ADAM12: variants seen among roughly 807,000 people sequenced by gnomAD.
ADAM12 encodes the protein disintegrin and metalloproteinase domain-containing protein 12.
In ADAM12, 70 loss-of-function variants were observed where a neutral mutation model predicts 106.4. That is an observed-to-expected ratio of 0.66 (90% confidence interval 0.54 to 0.80). The LOEUF (loss-of-function observed/expected upper bound fraction) is 0.80, where lower values mean the gene tolerates loss of function less well. ADAM12 is among the 30% of genes least tolerant of loss of function. ADAM12 has a pLI of 0.00. For synonymous variants in ADAM12, 420 were observed against 433.5 expected (o/e 0.97, Z 0.39); for missense variants, 1,010 against 1,171.9 (o/e 0.86, Z 2.02).
chr10:126,182,200 CAAAAACATG>C (rs1957324818), intron 3 of ADAM12, among the ~76,000 whole-genome samples: 1 of 152,084 alleles, frequency 6.6e-6, no homozygotes, highest in Non-Finnish European at 1.5e-5. Flanking sequence ...AATTATATAC[CAAAAACATG>C]AACATGTAGA....
chr10:126,148,360 G>A (rs1956667434), intron 4 of ADAM12, among the ~76,000 whole-genome samples: 1 of 152,142 alleles, frequency 6.6e-6, no homozygotes, highest in Admixed American at 6.5e-5. Context: ...TTTCCAGCCT[G>A]ATTCAATAAA....
chr10:126,232,833 G>C (rs1453901358), intron 3 of ADAM12, among the ~76,000 whole-genome samples: 1 of 152,172 alleles, frequency 6.6e-6, no homozygotes, highest in Non-Finnish European at 1.5e-5. Flanking sequence ...GGTAGGACTA[G>C]GGAGGAAGAT....
rs990785795 is a variant in ADAM12, at chr10:126,356,716, T to C, written c.89-26207A>G. Among the ~76,000 whole-genome samples, 6 of 152,162 alleles carry C rather than the reference T, an allele frequency of 3.9e-5. No individual in the cohort carries two copies. In the South Asian group the frequency reaches 8.3e-4, roughly 21 times the overall value. The stretch of plus-strand genomic sequence containing the variant: ...TAAAGAAATTCTGTAAACTATATGA[T>C]ACTACAGATTAAAAATCAAATAAAA... On this transcript the variant is annotated intron_variant, in intron 1 of 22. Coordinates refer to ENST00000448723, the MANE Select transcript of ADAM12 (RefSeq NM_001288973.2).
At position 126,312,147 on chromosome 10, in the gene ADAM12, A is replaced by AC. The variant is rs1231617178; in HGVS notation, c.186+18264_186+18265insG. 5.3e-5 allele frequency among the ~76,000 whole-genome samples: 8 copies of AC among 151,890 alleles called. No individual in the cohort carries two copies. In the East Asian group the frequency reaches 1.6e-3, roughly 29 times the overall value. On this transcript the variant is annotated intron_variant, in intron 2 of 22. Transcript: ENST00000448723. ...GTTGGTGTGGAAAAAAAAAAAAAAA[A>AC]AAAAACCCACGTTTGGTGACCAGAA... is the stretch of plus-strand genomic sequence containing the variant.
chr10:126,041,671 A>T, intron 18 of ADAM12: 1 of 992,698 alleles, frequency 1.0e-6, no homozygotes, highest in Non-Finnish European at 1.2e-6. Flanking sequence ...ATAAATGCTA[A>T]AAGCCATATC....
chr10:126,127,653 G>A (rs1266981103), intron 5 of ADAM12, among the ~76,000 whole-genome samples: 1 of 152,220 alleles, frequency 6.6e-6, no homozygotes, highest in Non-Finnish European at 1.5e-5. Flanking sequence ...CAAGGCATGG[G>A]CAAGGAAGGA....
intron 3 of ADAM12, among the ~76,000 whole-genome samples, chr10:126,165,265 T>A (rs1315996961): frequency 6.6e-6 from 1 of 152,118 alleles, no homozygotes; most frequent in Admixed American, 6.6e-5. Flanking sequence ...CCTCCCAAGC[T>A]CAGGCAATTC....
At chr10:126,286,840 AC>A (rs1172617997) in intron 2 of ADAM12, among the ~76,000 whole-genome samples, 1 of 152,194 alleles carries the variant, frequency 6.6e-6, no homozygotes, top group Non-Finnish European at 1.5e-5. Flanking sequence ...TTAGCCAACA[AC>A]CTGTTAAAAT....
At chr10:126,268,343 C>T (rs7921329) in intron 3 of ADAM12, among the ~76,000 whole-genome samples, 131,324 of 152,136 alleles carry the variant, frequency 0.86, 58,414 homozygotes, top group Non-Finnish European at 0.97. Flanking sequence ...TTTCATTTTA[C>T]GTATGCCACA....
At chr10:126,328,031 A>T (rs11595277) in intron 2 of ADAM12, among the ~76,000 whole-genome samples, 10,126 of 152,330 alleles carry the variant, frequency 0.066, 427 homozygotes, top group Middle Eastern at 0.12. Context: ...ACTTATTGAA[A>T]AAACTATCTT....
rs1955922007 is a variant in ADAM12 at position 126,113,690 on chromosome 10, ATATATATATATATAT to A, written c.604-3865_604-3851del. On this transcript the variant is annotated intron_variant, in intron 6 of 22. Coordinates refer to ENST00000448723, the MANE Select transcript of ADAM12 (RefSeq NM_001288973.2). ...AAAAAAAAAAAAAAAAAAAAAAAAT[ATATATATATATATAT>A]ATATATATATATATATATATATATA... 6.0e-3 allele frequency among the ~76,000 whole-genome samples: 83 copies of A among 13,886 alleles called. 1 individual carries two copies. Among genetic ancestry groups the A allele is most frequent in the Non-Finnish European group, 7.5e-3 (70 of 9,272 alleles). The allele number at this position is 13,886 out of a possible 152,430, so 9.1% of individuals were successfully genotyped here. A position where few individuals can be genotyped will look rare whatever the true frequency, so the allele number is the denominator to read the frequency against.
At chr10:126,283,220 T>C (rs993741259) in intron 2 of ADAM12, among the ~76,000 whole-genome samples, 2 of 152,090 alleles carry the variant, frequency 1.3e-5, no homozygotes, top group Non-Finnish European at 2.9e-5. Flanking sequence ...CTGCTCTAAA[T>C]ACAGATGTAG....
chr10:126,139,308 T>C (rs999163998), intron 4 of ADAM12, among the ~76,000 whole-genome samples: 3 of 152,210 alleles, frequency 2.0e-5, no homozygotes, highest in African/African-American at 4.8e-5. Flanking sequence ...GTTAAGCTTA[T>C]GTATAGGTAT....
At position 126,149,604 on chromosome 10, in the gene ADAM12, G is replaced by T. The variant is rs530521760; in HGVS notation, c.339+5623C>A. Among the ~76,000 whole-genome samples, 5 of 152,316 alleles carry T rather than the reference G, an allele frequency of 3.3e-5. No individual in the cohort carries two copies. In the South Asian group the frequency reaches 1.0e-3, roughly 32 times the overall value. ...GTGGGCACCATCTAATCAGCTGCCA[G>T]CGCGGCTAGAATAAAGTAGGCAGAG... On this transcript the variant is annotated intron_variant, in intron 4 of 22. Transcript: ENST00000448723.
chr10:126,213,598 A>C (rs552692102), intron 3 of ADAM12, among the ~76,000 whole-genome samples: 3 of 152,346 alleles, frequency 2.0e-5, no homozygotes, highest in East Asian at 3.9e-4. Flanking sequence ...CTTGCAGAAC[A>C]ATTTTGGGGT....
At chr10:126,334,397 A>G (rs1854622797) in intron 1 of ADAM12, among the ~76,000 whole-genome samples, 3 of 152,190 alleles carry the variant, frequency 2.0e-5, no homozygotes, top group African/African-American at 7.2e-5. Context: ...AACCTGATAC[A>G]CTGCTTGCAG....
intron 1 of ADAM12, among the ~76,000 whole-genome samples, chr10:126,363,059 T>G (rs1489267080): frequency 6.6e-6 from 1 of 152,154 alleles, no homozygotes; most frequent in Non-Finnish European, 1.5e-5. Context: ...ATATAATTTG[T>G]CAACTCATAA....
At chr10:126,036,951 A>C (rs916778417) in intron 20 of ADAM12, among the ~76,000 whole-genome samples, 1 of 152,206 alleles carries the variant, frequency 6.6e-6, no homozygotes, top group African/African-American at 2.4e-5. Context: ...GTTTACACCC[A>C]TGAAACCCTC....
At chr10:126,350,896 G>C (rs1463497958) in intron 1 of ADAM12, among the ~76,000 whole-genome samples, 1 of 152,174 alleles carries the variant, frequency 6.6e-6, no homozygotes, top group East Asian at 1.9e-4. Context: ...AGAGTATCCT[G>C]TGACCTGAAC....
Sources: gnomAD v4.1 joint callset for allele counts (sites outside exome capture counted in the v4.1 genomes callset) on GRCh38, gnomAD v4.1.1 for gene constraint, MANE v1.5 for transcripts, NCBI Gene and HGNC (gene_info 2026-07-23, HGNC 2026-07-21) for gene names.